ZNF536: variants seen among roughly 807,000 people sequenced by gnomAD.
ZNF536 encodes the protein zinc finger protein 536.
Under a neutral mutation model 84.5 loss-of-function variants are expected in ZNF536, and 13 were observed. The ratio of observed to expected loss-of-function variants is 0.15; its 90% CI spans 0.10 to 0.24. The LOEUF (loss-of-function observed/expected upper bound fraction) is 0.24. ZNF536 is among the 10% of genes least tolerant of loss of function. The pLI is 1.00. For missense variants in ZNF536, 1,536 were observed against 1,747.5 expected, an observed-to-expected ratio of 0.88 and a Z score of 2.16; for synonymous variants, 811 against 742.5, an observed-to-expected ratio of 1.09 and a Z score of -1.50.
intron 1 of ZNF536, among the ~76,000 whole-genome samples, chr19:30,274,877 G>C (rs1364500920): frequency 6.6e-6 from 1 of 152,222 alleles, no homozygotes; most frequent in Non-Finnish European, 1.5e-5. Context: ...TTACTTCATA[G>C]ATATCTTGGG....
At chr19:30,590,694 T>A (rs1714278813) in intron 1 of ZNF536, among the ~76,000 whole-genome samples, 1 of 152,218 alleles carries the variant, frequency 6.6e-6, no homozygotes, top group Admixed American at 6.5e-5. Flanking sequence ...CAGGTCTCAC[T>A]GTACTGTGAC....
intron 1 of ZNF536, among the ~76,000 whole-genome samples, chr19:30,258,481 T>C (rs1294386665): frequency 1.3e-5 from 2 of 152,212 alleles, no homozygotes; most frequent in African/African-American, 2.4e-5. Context: ...GTTTCATAGA[T>C]AGTTGAACAT....
At chr19:30,617,951 A>T (rs968883525) in intron 1 of ZNF536, among the ~76,000 whole-genome samples, 3 of 152,200 alleles carry the variant, frequency 2.0e-5, no homozygotes, top group African/African-American at 7.2e-5. Flanking sequence ...TATTCCACGG[A>T]CAACAAAAAG....
intron 1 of ZNF536, among the ~76,000 whole-genome samples, chr19:30,275,840 A>T (rs113502238): frequency 6.7e-6 from 1 of 150,270 alleles, no homozygotes; most frequent in African/African-American, 2.4e-5. Flanking sequence ...TGTGTGTGTG[A>T]GTGTGTGTGT....
chr19:30,711,740 TC>T (rs770646898), exon 2 of ZNF536: 2 of 152,138 alleles, frequency 1.3e-5, no homozygotes, highest in Non-Finnish European at 2.9e-5. Context: ...CAAATTGTTC[TC>T]GGTAGCCTTT....
At chr19:30,492,029 C>A (rs1189080031) in intron 2 of ZNF536, among the ~76,000 whole-genome samples, 1 of 151,350 alleles carries the variant, frequency 6.6e-6, no homozygotes. Context: ...TCTTCCTTTG[C>A]CTGGCTCACT....
At chr19:30,513,170 G>T (rs567646373) in intron 2 of ZNF536, among the ~76,000 whole-genome samples, 21 of 152,234 alleles carry the variant, frequency 1.4e-4, no homozygotes, top group South Asian at 2.1e-4. Context: ...AATTTAGCTG[G>T]AAAGTATTAT....
chr19:30,523,823 G>A (rs1387007253), intron 2 of ZNF536, among the ~76,000 whole-genome samples: 1 of 152,178 alleles, frequency 6.6e-6, no homozygotes, highest in Admixed American at 6.5e-5. Flanking sequence ...CCACAAGTGT[G>A]GTCAATGCCT....
At chr19:30,232,444 C>T (rs187491573) in intron 1 of ZNF536, among the ~76,000 whole-genome samples, 87 of 152,110 alleles carry the variant, frequency 5.7e-4, no homozygotes, top group African/African-American at 1.9e-3. Context: ...TTTCTCCCCC[C>T]TCTAGTGTCC....
At chr19:30,261,570 A>T (rs1370777395) in intron 1 of ZNF536, among the ~76,000 whole-genome samples, 2 of 151,004 alleles carry the variant, frequency 1.3e-5, no homozygotes, top group Non-Finnish European at 3.0e-5. Flanking sequence ...GTGGTGGTGC[A>T]TGCCTGTAGT....
intron 2 of ZNF536, among the ~76,000 whole-genome samples, chr19:30,456,175 T>C (rs1218018373): frequency 6.6e-6 from 1 of 152,186 alleles, no homozygotes; most frequent in Non-Finnish European, 1.5e-5. Flanking sequence ...TTATACTTTT[T>C]TTTCCCCAAG....
At chr19:30,581,738 C>T (rs921297215) in intron 1 of ZNF536, among the ~76,000 whole-genome samples, 1 of 152,030 alleles carries the variant, frequency 6.6e-6, no homozygotes, top group South Asian at 2.1e-4. Context: ...GAGTTCAAGA[C>T]CAGCCTGGCC....
chr19:30,236,964 T>A lies in ZNF536; in HGVS notation c.-190+8291T>A, dbSNP rs547599888. The stretch of plus-strand genomic sequence containing the variant: ...CTGAAGAACTGGTTGCATTTTGACA[T>A]TCTGCTCCTTTGTCTCACTGACACC... On this transcript the variant is annotated intron_variant, in intron 1 of 5. Transcript: ENST00000585628. Among the ~76,000 whole-genome samples the A allele has an allele frequency of 3.9e-5, 6 of 152,322 alleles. No individual in the cohort carries two copies. In the East Asian group the frequency reaches 1.2e-3, roughly 29 times the overall value.
intron 1 of ZNF536, among the ~76,000 whole-genome samples, chr19:30,622,079 T>G (rs1218818413): frequency 2.0e-5 from 3 of 152,128 alleles, no homozygotes; most frequent in Non-Finnish European, 2.9e-5. Flanking sequence ...AACGTCCATT[T>G]CTCCTGCTGA....
At chr19:30,712,381 A>G (rs2052479194) in exon 2 of ZNF536, 1 of 152,032 alleles carries the variant, frequency 6.6e-6, no homozygotes, top group Admixed American at 6.6e-5. Context: ...GTGGTGGTAG[A>G]GAAGTATGAA....
In ZNF536 at chr19:30,294,899, T is replaced by C. The variant is rs1013550573; in HGVS notation, c.-120+10758T>C. Among the ~76,000 whole-genome samples, 7 of 152,202 alleles carry C rather than the reference T, an allele frequency of 4.6e-5. No homozygotes were observed. In the South Asian group the frequency reaches 1.5e-3, roughly 32 times the overall value. On this transcript the variant is annotated intron_variant, in intron 2 of 5. Transcript: ENST00000585628. Reference sequence around the variant, plus strand: ...TAGGTGTGGGAAGGAGTGCTGCTCTTGGAGTGAGGAGGCTGGTTCTGATGT... The same window carrying C: ...TAGGTGTGGGAAGGAGTGCTGCTCTCGGAGTGAGGAGGCTGGTTCTGATGT...
chr19:30,350,966 A>G (rs1240885815), intron 2 of ZNF536, among the ~76,000 whole-genome samples: 2 of 152,154 alleles, frequency 1.3e-5, no homozygotes, highest in East Asian at 1.9e-4. Context: ...ATACATTATC[A>G]TATGCGGGGT....
chr19:30,499,679 C>T (rs115811131), intron 2 of ZNF536, among the ~76,000 whole-genome samples: 131 of 152,280 alleles, frequency 8.6e-4, no homozygotes, highest in African/African-American at 2.9e-3. Context: ...AAATAAGTTT[C>T]GTGTGATTAC....
chr19:30,476,184 C>T (rs950657766), intron 2 of ZNF536, among the ~76,000 whole-genome samples: 2 of 152,172 alleles, frequency 1.3e-5, no homozygotes, highest in Non-Finnish European at 2.9e-5. Context: ...GCTTCTCCCA[C>T]CTTCTTCCCT....
Sources: allele counts gnomAD v4.1 joint callset (sites outside exome capture counted in the v4.1 genomes callset), GRCh38; gene constraint gnomAD v4.1.1; transcripts MANE v1.5; gene names NCBI Gene and HGNC (gene_info 2026-07-23, HGNC 2026-07-21).